Variants in LRMDA observed in about 807,000 individuals in gnomAD.
LRMDA encodes the protein leucine-rich melanocyte differentiation-associated protein.
A neutral mutation model predicts 29.8 loss-of-function variants in LRMDA; 18 were observed. The observed-to-expected ratio is 0.60, with a 90% CI of 0.42 to 0.90. The LOEUF is 0.90. Ranked by LOEUF, LRMDA falls within the 40% of genes least tolerant of loss-of-function variation. LRMDA has a pLI of 0.00. For missense variants in LRMDA, 273 were observed against 273.9 expected, an observed-to-expected ratio of 1.00 and a Z score of 0.02; for synonymous variants, 125 against 109.4, an observed-to-expected ratio of 1.14 and a Z score of -0.89.
rs188437993 is a variant in LRMDA, at chr10:76,401,750, A to G, written c.601+77265A>G. 2.7e-3 allele frequency among the ~76,000 whole-genome samples: 406 copies of G among 152,344 alleles called. 1 individual carries two copies. The highest frequency in any genetic ancestry group is 0.01 in the Middle Eastern group (3 of 294). ...AGTAACTATGTAAGTATCATATTAA[A>G]TAAGAAATACTATGACAGGTTGAGA... On this transcript the variant is annotated intron_variant, in intron 6 of 6. Transcript: ENST00000611255.
intron 6 of LRMDA, among the ~76,000 whole-genome samples, chr10:76,447,019 A>C (rs1052453166): frequency 2.0e-5 from 3 of 150,330 alleles, no homozygotes; most frequent in Admixed American, 2.0e-4. Flanking sequence ...TGTGTTCGGT[A>C]TATGTTGGAG....
At chr10:76,177,770 A>C (rs1447639977) in intron 5 of LRMDA, among the ~76,000 whole-genome samples, 2 of 152,266 alleles carry the variant, frequency 1.3e-5, no homozygotes, top group Non-Finnish European at 2.9e-5. Context: ...GGGAGAGGGA[A>C]AGAGAACCAG....
chr10:75,530,848 T>C (rs1428067703), intron 2 of LRMDA, among the ~76,000 whole-genome samples: 1 of 152,126 alleles, frequency 6.6e-6, no homozygotes, highest in Non-Finnish European at 1.5e-5. Context: ...CAGAAAACCA[T>C]TGTTGCTGGT....
chr10:76,205,653 A>G (rs1465580030), intron 5 of LRMDA, among the ~76,000 whole-genome samples: 1 of 152,128 alleles, frequency 6.6e-6, no homozygotes, highest in South Asian at 2.1e-4. Context: ...ATTATTCCCT[A>G]AATTACTTTT....
At position 75,836,063 on chromosome 10, in the gene LRMDA, G is replaced by A. The variant is rs542426601; in HGVS notation, c.132-199945G>A. ...AAAAAATCCTCACTCTCTTAGTGTA[G>A]GGGTTCAGGGCGACTTAAATGGTAA... On this transcript the variant is annotated intron_variant, in intron 2 of 6. Coordinates refer to ENST00000611255, the MANE Select transcript of LRMDA (RefSeq NM_001305581.2). 2.6e-5 allele frequency among the ~76,000 whole-genome samples: 4 copies of A among 152,296 alleles called. No individual in the cohort carries two copies. The South Asian group carries it at 6.2e-4, about 24-fold the overall frequency.
At chr10:76,076,114 T>C (rs1384856512) in intron 5 of LRMDA, among the ~76,000 whole-genome samples, 80 of 151,796 alleles carry the variant, frequency 5.3e-4, no homozygotes, top group Middle Eastern at 3.4e-3. Context: ...GAGGCCGAGG[T>C]GGGTGGGTCA....
intron 2 of LRMDA, among the ~76,000 whole-genome samples, chr10:75,489,914 G>A (rs1844963131): frequency 6.6e-6 from 1 of 152,158 alleles, no homozygotes; most frequent in South Asian, 2.1e-4. Context: ...CTATGTATCA[G>A]GTACTGGCGC....
At chr10:75,928,380 C>T (rs995994809) in intron 2 of LRMDA, among the ~76,000 whole-genome samples, 5 of 151,846 alleles carry the variant, frequency 3.3e-5, no homozygotes, top group African/African-American at 7.3e-5. Context: ...TTTAAAAGGC[C>T]GGCAGCTGCA....
At chr10:76,382,034 C>T (rs540047710) in intron 6 of LRMDA, among the ~76,000 whole-genome samples, 11 of 152,112 alleles carry the variant, frequency 7.2e-5, no homozygotes, top group South Asian at 4.1e-4. Flanking sequence ...TTTAACAGCA[C>T]GTGAAAGCAC....
intron 2 of LRMDA, among the ~76,000 whole-genome samples, chr10:75,612,818 GAAAA>G (rs752432937): frequency 3.4e-5 from 5 of 145,200 alleles, no homozygotes; most frequent in African/African-American, 1.3e-4. Context: ...AGTGTAAAAT[GAAAA>G]AAAAAACCTG....
chr10:76,383,471 C>T (rs543980258), intron 6 of LRMDA, among the ~76,000 whole-genome samples: 14 of 140,710 alleles, frequency 9.9e-5, no homozygotes, highest in East Asian at 4.1e-4. Flanking sequence ...TCGCCCAGGC[C>T]GGACTGCGGA....
chr10:75,962,033 G>A (rs1038029068), intron 2 of LRMDA, among the ~76,000 whole-genome samples: 4 of 152,098 alleles, frequency 2.6e-5, no homozygotes, highest in African/African-American at 9.7e-5. Context: ...CTTGGTGTAA[G>A]GACATCAGTC....
At chr10:75,894,517 G>A (rs2132356977) in intron 2 of LRMDA, among the ~76,000 whole-genome samples, 1 of 152,336 alleles carries the variant, frequency 6.6e-6, no homozygotes, top group Middle Eastern at 3.4e-3. Context: ...TTCATATAAT[G>A]ACTTCTTTTC....
At chr10:75,900,829 T>A (rs1845658128) in intron 2 of LRMDA, among the ~76,000 whole-genome samples, 1 of 152,200 alleles carries the variant, frequency 6.6e-6, no homozygotes, top group Non-Finnish European at 1.5e-5. Flanking sequence ...TTGCCTGCCA[T>A]CTTATGCCCT....
At chr10:75,809,839 A>C (rs1387591831) in intron 2 of LRMDA, among the ~76,000 whole-genome samples, 1 of 152,196 alleles carries the variant, frequency 6.6e-6, no homozygotes, top group Non-Finnish European at 1.5e-5. Flanking sequence ...TCCTGAGGAC[A>C]GAACCAGCTA....
chr10:76,340,819 G>A (rs1296497347), intron 6 of LRMDA, among the ~76,000 whole-genome samples: 1 of 152,024 alleles, frequency 6.6e-6, no homozygotes, highest in Non-Finnish European at 1.5e-5. Flanking sequence ...AGCATTATTT[G>A]CAGTCAATAT....
At chr10:75,975,383 A>G (rs1196910900) in intron 2 of LRMDA, among the ~76,000 whole-genome samples, 1 of 152,180 alleles carries the variant, frequency 6.6e-6, no homozygotes, top group East Asian at 1.9e-4. Flanking sequence ...TTCTCCCTTC[A>G]GCACCAGATC....
chr10:75,729,464 CA>C (rs1336188368), intron 2 of LRMDA, among the ~76,000 whole-genome samples: 18 of 152,320 alleles, frequency 1.2e-4, no homozygotes, highest in African/African-American at 4.3e-4. Context: ...CTAGACCTAG[CA>C]GGGGGCATCC....
chr10:75,741,773 A>G (rs928441416), intron 2 of LRMDA, among the ~76,000 whole-genome samples: 6 of 152,174 alleles, frequency 3.9e-5, no homozygotes, highest in Non-Finnish European at 8.8e-5. Flanking sequence ...CACCTGCCGC[A>G]CAGCCAACCT....
Sources: allele counts gnomAD v4.1 joint callset (sites outside exome capture counted in the v4.1 genomes callset), GRCh38; gene constraint gnomAD v4.1.1; transcripts MANE v1.5; gene names NCBI Gene and HGNC (gene_info 2026-07-23, HGNC 2026-07-21).